Variants in ATF6 observed in about 807,000 individuals in gnomAD.
The protein encoded by ATF6 is activating transcription factor 6.
Under a neutral mutation model 83.6 loss-of-function variants are expected in ATF6, and 53 were observed. That is an observed-to-expected ratio of 0.63 (90% CI 0.51 to 0.80). The LOEUF is 0.80. Among genes scored for constraint, ATF6 ranks in the 30% least tolerant of loss-of-function variants. The probability of loss-of-function intolerance (pLI) is 0.00; values close to 1 mark genes in which losing one functional copy is unlikely to be tolerated. For synonymous variants in ATF6, 288 were observed against 285.8 expected (o/e 1.01, Z -0.08); for missense variants, 744 against 797.9 (o/e 0.93, Z 0.81).
chr1:161,923,272 A>G (rs1239620210), intron 15 of ATF6, among the ~76,000 whole-genome samples: 1 of 152,112 alleles, frequency 6.6e-6, no homozygotes, highest in African/African-American at 2.4e-5. Context: ...CCATGCCTAA[A>G]GAAATGCTCT....
At chr1:161,794,332 T>C (rs1166350906) in intron 6 of ATF6, among the ~76,000 whole-genome samples, 1 of 152,196 alleles carries the variant, frequency 6.6e-6, no homozygotes, top group Non-Finnish European at 1.5e-5. Flanking sequence ...CATTATACAG[T>C]TAATCATGTT....
intron 4 of ATF6, among the ~76,000 whole-genome samples, chr1:161,787,915 G>A (rs16845559): frequency 0.013 from 1,985 of 152,278 alleles, 49 homozygotes; most frequent in African/African-American, 0.044. Flanking sequence ...AATCAGCACA[G>A]TGTTTTTAAG....
intron 14 of ATF6, among the ~76,000 whole-genome samples, chr1:161,897,263 A>G (rs958015848): frequency 2.4e-4 from 36 of 152,042 alleles, no homozygotes; most frequent in African/African-American, 8.2e-4. Flanking sequence ...ATGAAACTCC[A>G]TCTCTACTAA....
chr1:161,928,007 A>G (rs12043145), intron 15 of ATF6, among the ~76,000 whole-genome samples: 35,010 of 152,044 alleles, frequency 0.23, 5,728 homozygotes, highest in African/African-American at 0.42. Flanking sequence ...ATTCAGGTTC[A>G]GCTCCCCTTT....
At chr1:161,782,803 A>G (rs370414348) in intron 3 of ATF6, among the ~76,000 whole-genome samples, 1 of 24,648 alleles carries the variant, frequency 4.1e-5, no homozygotes, top group South Asian at 9.6e-4. Context: ...TCGTTTGACA[A>G]ACTAAATCTT....
chr1:161,794,054 G>A (rs1407035624), intron 6 of ATF6, among the ~76,000 whole-genome samples: 2 of 151,538 alleles, frequency 1.3e-5, no homozygotes, highest in African/African-American at 2.4e-5. Context: ...CTACAGGCAC[G>A]TGCCACCATG....
chr1:161,834,665 A>C (rs562150068), intron 9 of ATF6, among the ~76,000 whole-genome samples: 30 of 150,934 alleles, frequency 2.0e-4, no homozygotes, highest in African/African-American at 6.8e-4. Context: ...TAGGAGATAG[A>C]CCTAATGCTA....
intron 15 of ATF6, among the ~76,000 whole-genome samples, chr1:161,938,539 T>C (rs968853238): frequency 6.6e-6 from 1 of 152,210 alleles, no homozygotes; most frequent in Non-Finnish European, 1.5e-5. Context: ...ATTTTACCCA[T>C]TGGTGCCAGA....
chr1:161,779,310 A>G (rs1268673074), intron 2 of ATF6, among the ~76,000 whole-genome samples: 1 of 152,240 alleles, frequency 6.6e-6, no homozygotes, highest in South Asian at 2.1e-4. Context: ...TGTGTGCTCA[A>G]TTGGAAAGAT....
intron 14 of ATF6, among the ~76,000 whole-genome samples, chr1:161,885,247 A>ATT (rs1687397271): frequency 6.6e-6 from 1 of 152,198 alleles, no homozygotes; most frequent in Non-Finnish European, 1.5e-5. Flanking sequence ...CTATATTAAT[A>ATT]AGAAGCTATA....
At chr1:161,851,233 AAC>A (rs60202873) in intron 10 of ATF6, among the ~76,000 whole-genome samples, 11,691 of 75,186 alleles carry the variant, frequency 0.16, 1,035 homozygotes, top group African/African-American at 0.22. Context: ...CCCTATCCTT[AAC>A]ACACACACAC....
At chr1:161,824,814 C>T (rs1466244024) in intron 9 of ATF6, among the ~76,000 whole-genome samples, 1 of 151,974 alleles carries the variant, frequency 6.6e-6, no homozygotes, top group Non-Finnish European at 1.5e-5. Context: ...TAATGTTTGC[C>T]AGGTACTGAG....
At chr1:161,864,218 T>A (rs1462199136) in intron 14 of ATF6, among the ~76,000 whole-genome samples, 1 of 152,112 alleles carries the variant, frequency 6.6e-6, no homozygotes, top group East Asian at 1.9e-4. Context: ...GTAAGTACAG[T>A]TGACCCTTGA....
chr1:161,942,771 A>G (rs1410412546), intron 15 of ATF6, among the ~76,000 whole-genome samples: 1 of 152,222 alleles, frequency 6.6e-6, no homozygotes, highest in Non-Finnish European at 1.5e-5. Flanking sequence ...ATCATGTCAC[A>G]TCTGTCTAGA....
At chr1:161,852,298 A>T (rs1349928088) in intron 11 of ATF6, among the ~76,000 whole-genome samples, 5 of 152,104 alleles carry the variant, frequency 3.3e-5, no homozygotes, top group Non-Finnish European at 5.9e-5. Context: ...ATTTTTTGTG[A>T]TATGTAGTAA....
At chr1:161,949,858 A>T (rs572127244) in intron 15 of ATF6, among the ~76,000 whole-genome samples, 3 of 152,330 alleles carry the variant, frequency 2.0e-5, no homozygotes, top group South Asian at 4.1e-4. Flanking sequence ...TAGAGATCAG[A>T]TTCCAACATG....
intron 15 of ATF6, among the ~76,000 whole-genome samples, chr1:161,942,673 T>G (rs982112140): frequency 5.3e-5 from 8 of 152,224 alleles, no homozygotes; most frequent in African/African-American, 1.4e-4. Flanking sequence ...TCAGTGATTA[T>G]CACACACTTT....
chr1:161,928,747 C>CTAA (rs1688372985), intron 15 of ATF6, among the ~76,000 whole-genome samples: 1 of 152,090 alleles, frequency 6.6e-6, no homozygotes, highest in Non-Finnish European at 1.5e-5. Context: ...TAAAAATAAA[C>CTAA]TGTCTTCTCA....
At chr1:161,771,424 G>A (rs1684386573) in intron 1 of ATF6, among the ~76,000 whole-genome samples, 1 of 152,104 alleles carries the variant, frequency 6.6e-6, no homozygotes, top group Admixed American at 6.5e-5. Context: ...CCCGGTGAAC[G>A]GTTGCTAATT....
Sources: gnomAD v4.1 joint callset for allele counts (sites outside exome capture counted in the v4.1 genomes callset) on GRCh38, gnomAD v4.1.1 for gene constraint, MANE v1.5 for transcripts, NCBI Gene and HGNC (gene_info 2026-07-23, HGNC 2026-07-21) for gene names.